The following BICC1 variants were observed in gnomAD, a reference collection of about 807,000 sequenced individuals.
The protein encoded by BICC1 is BicC family RNA binding protein 1.
BICC1 carries 43 observed loss-of-function variants against 111.0 expected under a neutral mutation model. That is an observed-to-expected ratio of 0.39 (90% CI 0.30 to 0.50). The LOEUF (loss-of-function observed/expected upper bound fraction) is 0.50. Among genes scored for constraint, BICC1 ranks in the 20% least tolerant of loss-of-function variants. BICC1 has a pLI of 0.88. For missense variants in BICC1, 1,091 were observed against 1,203.2 expected, an observed-to-expected ratio of 0.91 and a Z score of 1.38; for synonymous variants, 467 against 434.4, an observed-to-expected ratio of 1.07 and a Z score of -0.93.
At chr10:58,525,670 A>G (rs971936382) in intron 1 of BICC1, among the ~76,000 whole-genome samples, 18 of 137,802 alleles carry the variant, frequency 1.3e-4, no homozygotes, top group African/African-American at 4.3e-4. Context: ...TATGTAACTA[A>G]CCTGCACGTT....
At chr10:58,769,607 T>C (rs1310973448) in intron 3 of BICC1, among the ~76,000 whole-genome samples, 1 of 151,748 alleles carries the variant, frequency 6.6e-6, no homozygotes, top group African/African-American at 2.4e-5. Flanking sequence ...GATTTCTGTT[T>C]CTCCCATGTT....
intron 1 of BICC1, among the ~76,000 whole-genome samples, chr10:58,603,223 C>T (rs574690580): frequency 6.6e-6 from 1 of 152,270 alleles, no homozygotes; most frequent in Admixed American, 6.5e-5. Context: ...CCTCACATTT[C>T]TCTGTAATCA....
chr10:58,707,446 A>G (rs1430318960), intron 3 of BICC1, among the ~76,000 whole-genome samples: 4 of 152,132 alleles, frequency 2.6e-5, no homozygotes, highest in Admixed American at 2.0e-4. Context: ...GTCAGGTGTT[A>G]GGTTAGTGCG....
intron 1 of BICC1, among the ~76,000 whole-genome samples, chr10:58,591,865 T>A (rs1305830605): frequency 6.6e-6 from 1 of 152,224 alleles, no homozygotes; most frequent in Non-Finnish European, 1.5e-5. Context: ...TTCTTGTACC[T>A]ATTTCTATTT....
chr10:58,606,143 GTCA>G (rs1845204353), intron 1 of BICC1, among the ~76,000 whole-genome samples: 1 of 151,916 alleles, frequency 6.6e-6, no homozygotes, highest in African/African-American at 2.4e-5. Flanking sequence ...CTTCACAGCT[GTCA>G]TCATGGAATT....
At chr10:58,549,737 G>T (rs1490217329) in intron 1 of BICC1, among the ~76,000 whole-genome samples, 2 of 150,782 alleles carry the variant, frequency 1.3e-5, no homozygotes, top group Admixed American at 1.3e-4. Flanking sequence ...CCAGGCTGGA[G>T]TGCAATGGTG....
chr10:58,789,213 T>C (rs1288497036), intron 6 of BICC1, 49 bp from the exon 7 acceptor site: 5 of 1,473,360 alleles, frequency 3.4e-6, no homozygotes, highest in Non-Finnish European at 4.7e-6. Flanking sequence ...CATGTCTGAA[T>C]GTCTAATGCT....
chr10:58,629,219 A>G (rs1234868163), intron 2 of BICC1, among the ~76,000 whole-genome samples: 1 of 152,188 alleles, frequency 6.6e-6, no homozygotes, highest in Admixed American at 6.5e-5. Context: ...TTACTGATTT[A>G]AAATGACTTC....
chr10:58,807,640 C>T (rs938794183), intron 17 of BICC1, among the ~76,000 whole-genome samples: 1 of 152,102 alleles, frequency 6.6e-6, no homozygotes, highest in African/African-American at 2.4e-5. Flanking sequence ...AACAAGTGCT[C>T]CAAAATTTTT....
chr10:58,532,642 A>G (rs1658469), intron 1 of BICC1, among the ~76,000 whole-genome samples: 65,431 of 151,576 alleles, frequency 0.43, 15,983 homozygotes, highest in Admixed American at 0.62. Flanking sequence ...CATCTTATTC[A>G]TGCCTAACTG....
intron 1 of BICC1, among the ~76,000 whole-genome samples, chr10:58,556,112 A>G (rs1040406113): frequency 6.6e-6 from 1 of 152,142 alleles, no homozygotes; most frequent in Non-Finnish European, 1.5e-5. Context: ...TTATTAACTT[A>G]GGGTGATTGC....
At chr10:58,773,013 A>G (rs1328636724) in intron 3 of BICC1, among the ~76,000 whole-genome samples, 1 of 152,332 alleles carries the variant, frequency 6.6e-6, no homozygotes, top group Non-Finnish European at 1.5e-5. Flanking sequence ...GAAGGTGCCA[A>G]GATACTTCCA....
chr10:58,712,040 A>G lies in BICC1; in HGVS notation c.307+9897A>G, dbSNP rs375712861. 5.4e-4 allele frequency among the ~76,000 whole-genome samples: 82 copies of G among 152,322 alleles called. 1 individual carries two copies. Among genetic ancestry groups the G allele is most frequent in the African/African-American group, 1.8e-3 (74 of 41,572 alleles). On this transcript the variant is annotated intron_variant, in intron 3 of 20. Coordinates refer to ENST00000373886, the MANE Select transcript of BICC1 (RefSeq NM_001080512.3). Reference sequence around the variant, plus strand: ...AACAACCTGATTTTAAAAGTGGGTCAAAGATCTTAACAGACACCTCACCAA... The same window carrying G: ...AACAACCTGATTTTAAAAGTGGGTCGAAGATCTTAACAGACACCTCACCAA...
chr10:58,579,277 G>T (rs915031567), intron 1 of BICC1, among the ~76,000 whole-genome samples: 1 of 152,190 alleles, frequency 6.6e-6, no homozygotes, highest in African/African-American at 2.4e-5. Context: ...GCAATAGTCC[G>T]CTCCTTGCTG....
chr10:58,682,571 G>A (rs1287641389), intron 2 of BICC1, among the ~76,000 whole-genome samples: 8 of 152,172 alleles, frequency 5.3e-5, no homozygotes, highest in African/African-American at 1.9e-4. Flanking sequence ...TAACTGGTGT[G>A]AGATGGTATC....
At chr10:58,760,403 C>A (rs531759257) in intron 3 of BICC1, among the ~76,000 whole-genome samples, 5 of 152,110 alleles carry the variant, frequency 3.3e-5, no homozygotes, top group Non-Finnish European at 7.4e-5. Context: ...ATGTACATTC[C>A]AGGTGGAATC....
At chr10:58,812,034 G>A (rs141427480) in intron 17 of BICC1, among the ~76,000 whole-genome samples, 368 of 152,252 alleles carry the variant, frequency 2.4e-3, no homozygotes, top group African/African-American at 8.2e-3. Context: ...ATACATCACA[G>A]GACTTTACAC....
Position 58,512,989 on chromosome 10 carries a change from A to AGTGGCGGCGGCGGCGTTGGCG in BICC1, c.-148_-128dup, listed in dbSNP as rs1842133131. The stretch of plus-strand genomic sequence containing the variant: ...CGGGGCTGGGATGCGCCGGGGGCTC[A>AGTGGCGGCGGCGGCGTTGGCG]GTGGCGGCGGCGGCGTTGGCGGTGG... On this transcript the variant is annotated 5_prime_UTR_variant, in exon 1 of 21. Transcript: ENST00000373886. Among the ~76,000 whole-genome samples the AGTGGCGGCGGCGGCGTTGGCG allele has an allele frequency of 6.8e-6, 1 of 147,956 alleles. No homozygotes were observed. Among genetic ancestry groups the AGTGGCGGCGGCGGCGTTGGCG allele is most frequent in the African/African-American group, 2.4e-5 (1 of 40,930 alleles).
chr10:58,643,212 T>C lies in BICC1; in HGVS notation c.237+22311T>C, dbSNP rs189705550. Among the ~76,000 whole-genome samples, 70 of 152,348 alleles carry C rather than the reference T, an allele frequency of 4.6e-4. 1 individual carries two copies. Among genetic ancestry groups the C allele is most frequent in the African/African-American group, 1.7e-3 (70 of 41,576 alleles). ...TAGTCCTCTGAAGGCTTTGTGATGA[T>C]GTCACTCTCAGATCGGGACAGAAGC... is the stretch of plus-strand genomic sequence containing the variant. On this transcript the variant is annotated intron_variant, in intron 2 of 20. Coordinates refer to ENST00000373886, the MANE Select transcript of BICC1 (RefSeq NM_001080512.3).
Sources: allele counts gnomAD v4.1 joint callset (sites outside exome capture counted in the v4.1 genomes callset), GRCh38; gene constraint gnomAD v4.1.1; transcripts MANE v1.5; gene names NCBI Gene and HGNC (gene_info 2026-07-23, HGNC 2026-07-21).